Variants in VPS13D observed in about 807,000 individuals in gnomAD.
VPS13D encodes the protein intermembrane lipid transfer protein VPS13D.
A neutral mutation model predicts 461.9 loss-of-function variants in VPS13D; 187 were observed. The ratio of observed to expected loss-of-function variants is 0.40; its 90% CI spans 0.36 to 0.46. The LOEUF (loss-of-function observed/expected upper bound fraction) is 0.46, where lower values mean the gene tolerates loss of function less well. Ranked by LOEUF, VPS13D falls within the 20% of genes least tolerant of loss-of-function variation. VPS13D has a pLI of 0.60. For synonymous variants in VPS13D, 1,951 were observed against 1,986.3 expected, an observed-to-expected ratio of 0.98 and a Z score of 0.47; for missense variants, 4,711 against 5,364.9, an observed-to-expected ratio of 0.88 and a Z score of 3.81.
intron 63 of VPS13D, among the ~76,000 whole-genome samples, chr1:12,405,398 A>G (rs901760566): frequency 6.6e-6 from 1 of 152,184 alleles, no homozygotes; most frequent in Non-Finnish European, 1.5e-5. Flanking sequence ...GCCAACTCAC[A>G]GCTTCTAAAA....
intron 39 of VPS13D, 93 bp downstream of exon 39, chr1:12,335,920 G>T (rs776872130): frequency 1.3e-6 from 2 of 1,568,382 alleles, no homozygotes; most frequent in South Asian, 2.3e-5. Context: ...ATCATTCTGC[G>T]TGGAAAAACC....
In VPS13D at chr1:12,275,986, A is replaced by G; in HGVS notation, c.2398A>G (p.Ser800Gly). 6.2e-7 allele frequency: 1 copy of G among 1,614,030 alleles called. No homozygotes were observed. Among genetic ancestry groups the G allele is most frequent in the Non-Finnish European group, 8.5e-7 (1 of 1,180,028 alleles). ...ACCTCCCTTTTCTGGAGTTGAGTTC[A>G]GTGAAGAACAGCTTCAAGCACATTT... ...KTPPFSGVEF[S>G]EEQLQAHLMS... The change falls in exon 19 of 70, where the codon AGT becomes GGT. Residue 800 changes from serine to glycine, a missense_variant. This residue lies in a region of VPS13D where 4,411 missense variants were observed against 4,937.8 expected (regional missense o/e 0.89). Coordinates refer to ENST00000620676, the MANE Select transcript of VPS13D (RefSeq NM_015378.4).
intron 67 of VPS13D, among the ~76,000 whole-genome samples, chr1:12,481,356 C>T (rs1029522018): frequency 6.6e-6 from 1 of 152,170 alleles, no homozygotes; most frequent in Admixed American, 6.5e-5. Context: ...CCAACCCCTT[C>T]CCTGACCTGA....
Position 12,354,170 on chromosome 1 carries a change from G to T in VPS13D, c.9628G>T (p.Gly3210Cys), listed in dbSNP as rs769164996. The T allele has an allele frequency of 7.4e-6, 12 of 1,614,022 alleles. No homozygotes were observed. The highest frequency in any genetic ancestry group is 1.0e-5 in the Non-Finnish European group (12 of 1,180,024). ...GCCAATTAATGGGACGCTGAAACCT[G>T]GCAAGGAGGCAGCTCTCCATACAGC... is the stretch of plus-strand genomic sequence containing the variant. ...GMPINGTLKP[G>C]KEAALHTADT... Residue 3210 changes from glycine to cysteine, a missense_variant, in exon 47 of 70, where the codon GGC becomes TGC. Transcript: ENST00000620676.
chr1:12,279,760 A>C lies in VPS13D; in HGVS notation c.4602+110A>C. On this transcript the variant is annotated intron_variant, in intron 20 of 69. Transcript: ENST00000620676. The surrounding 1 kb of genome is among the most constrained non-coding windows in gnomAD (Gnocchi z 4.3). ...GGAAGGAATATATATTTTCAAAGAT[A>C]TATCACCCATGCATAATACCATTGT... The C allele has an allele frequency of 1.0e-6, 1 of 992,558 alleles. No individual in the cohort carries two copies. Among genetic ancestry groups the C allele is most frequent in the African/African-American group, 1.6e-5 (1 of 61,536 alleles). The allele number at this position is 992,558 out of a possible 1,614,324, so 61.5% of individuals were successfully genotyped here.
chr1:12,470,971 T>C (rs1645555631), intron 67 of VPS13D, among the ~76,000 whole-genome samples: 1 of 152,212 alleles, frequency 6.6e-6, no homozygotes, highest in Admixed American at 6.5e-5. Flanking sequence ...ACCTTAGCTG[T>C]ATTTAATAAA....
intron 67 of VPS13D, among the ~76,000 whole-genome samples, chr1:12,462,638 G>C (rs1299394090): frequency 6.6e-6 from 1 of 152,150 alleles, no homozygotes; most frequent in Admixed American, 6.5e-5. Context: ...CTGCTGCCTG[G>C]GTCTGCGAGG....
At chr1:12,436,169 G>A (rs1645057771) in intron 65 of VPS13D, among the ~76,000 whole-genome samples, 2 of 152,226 alleles carry the variant, frequency 1.3e-5, no homozygotes, top group African/African-American at 4.8e-5. Context: ...AGGAGGACTT[G>A]CAGTCACACA....
Position 12,478,957 on chromosome 1 carries a change from A to C in VPS13D, c.12663-18543A>C. The C allele has an allele frequency of 4.4e-6, 2 of 452,426 alleles. 1 individual carries two copies. Among genetic ancestry groups the C allele is most frequent in the South Asian group, 3.1e-5 (2 of 64,366 alleles). 28.0% of individuals were successfully genotyped at this position (452,426 alleles called of 1,614,324 possible). On this transcript the variant is annotated intron_variant, in intron 67 of 69. Coordinates refer to ENST00000620676, the MANE Select transcript of VPS13D (RefSeq NM_015378.4). ...TTCCCCATCACCTCGAAAGCTGTTAATAGCCTTGCTTTCTGGCCTTCCACA... is the reference window on the plus strand; with the variant it reads ...TTCCCCATCACCTCGAAAGCTGTTACTAGCCTTGCTTTCTGGCCTTCCACA...
chr1:12,503,570 C>G (rs1409130376), intron 68 of VPS13D, among the ~76,000 whole-genome samples: 2 of 152,156 alleles, frequency 1.3e-5, no homozygotes, highest in Non-Finnish European at 2.9e-5. Context: ...TCTACAGCAA[C>G]CTAAAATGTG....
intron 55 of VPS13D, among the ~76,000 whole-genome samples, chr1:12,378,167 GA>G (rs1210771032): frequency 4.6e-5 from 7 of 152,154 alleles, no homozygotes; most frequent in African/African-American, 1.7e-4. Context: ...ACTCGGTTAT[GA>G]AAATAATACG....
chr1:12,505,739 G>A lies in VPS13D; in HGVS notation c.12795-1114G>A, dbSNP rs1041006479. 2.0e-5 allele frequency among the ~76,000 whole-genome samples: 3 copies of A among 152,230 alleles called. No homozygotes were observed. Among genetic ancestry groups the A allele is most frequent in the Non-Finnish European group, 2.9e-5 (2 of 68,050 alleles). On this transcript the variant is annotated intron_variant, in intron 68 of 69. Transcript: ENST00000620676. This position sits in a 1 kb window ranked among gnomAD's most constrained non-coding sequence, Gnocchi z 4.2. Reference sequence around the variant, plus strand: ...TGGAGGAGGGGCTGGAGTATGTGGGGGATGCTTCACAGAGAAGTTAGAACC... The same window carrying A: ...TGGAGGAGGGGCTGGAGTATGTGGGAGATGCTTCACAGAGAAGTTAGAACC...
At chr1:12,413,144 C>T (rs535205817) in intron 63 of VPS13D, among the ~76,000 whole-genome samples, 2 of 152,256 alleles carry the variant, frequency 1.3e-5, no homozygotes, top group African/African-American at 2.4e-5. Flanking sequence ...TACCATTACA[C>T]ACTGTTCAGA....
In VPS13D at chr1:12,277,953, A is replaced by C; in HGVS notation, c.4365A>C (p.Pro1455=). ...VGSEGSRMFC[P]PSGSGSANSQ... ...CTGAAGGAAGCCGGATGTTTTGCCC[A>C]CCTTCCGGGTCTGGCAGTGCCAACA... The change falls in exon 19 of 70, where the codon CCA becomes CCC. Residue 1455 remains proline, a synonymous_variant. Transcript: ENST00000620676. The C allele has an allele frequency of 6.2e-7, 1 of 1,614,172 alleles. No individual in the cohort carries two copies. The highest frequency in any genetic ancestry group is 1.3e-5 in the African/African-American group (1 of 75,030).
At chr1:12,364,262 G>A (rs1643997227) in intron 52 of VPS13D, among the ~76,000 whole-genome samples, 1 of 152,072 alleles carries the variant, frequency 6.6e-6, no homozygotes. Flanking sequence ...TCTACTTGGT[G>A]TCTATAAATT....
chr1:12,231,702 A>C (rs979795986), intron 1 of VPS13D, among the ~76,000 whole-genome samples: 1 of 152,190 alleles, frequency 6.6e-6, no homozygotes, highest in African/African-American at 2.4e-5. Context: ...TCAAGTTATA[A>C]TAGTGGCCGG....
rs1641655480 is a variant in VPS13D at position 12,277,673 on chromosome 1, G to A, written c.4085G>A (p.Gly1362Glu). 3.1e-6 allele frequency: 5 copies of A among 1,613,970 alleles called. No homozygotes were observed. Among genetic ancestry groups the A allele is most frequent in the African/African-American group, 1.3e-5 (1 of 74,876 alleles). ...PFILEENEIYGFDLASSHLDT... is the reference protein window; with the variant it reads ...PFILEENEIYEFDLASSHLDT... ...ATCTTAGAGGAAAATGAAATATATG[G>A]GTTTGACCTAGCTTCGTCTCATTTG... is the stretch of plus-strand genomic sequence containing the variant. Residue 1362 changes from glycine to glutamate, a missense_variant, in exon 19 of 70, where the codon GGG becomes GAG. Transcript: ENST00000620676.
At chr1:12,417,505 C>T (rs545360638) in intron 65 of VPS13D, among the ~76,000 whole-genome samples, 3 of 152,214 alleles carry the variant, frequency 2.0e-5, no homozygotes, top group Admixed American at 6.5e-5. Context: ...TCTCAACACA[C>T]TTTTCTTGTA....
chr1:12,273,548 T>G (rs1267599563), intron 18 of VPS13D, among the ~76,000 whole-genome samples: 1 of 152,212 alleles, frequency 6.6e-6, no homozygotes, highest in Admixed American at 6.5e-5. Flanking sequence ...GTGTACCCAT[T>G]AAACACCAAT....
Sources: allele counts gnomAD v4.1 joint callset (sites outside exome capture counted in the v4.1 genomes callset), GRCh38; gene constraint gnomAD v4.1.1; regional missense constraint gnomAD v4.1.1; non-coding constraint Gnocchi (gnomAD v3.1); transcripts MANE v1.5; gene names NCBI Gene and HGNC (gene_info 2026-07-23, HGNC 2026-07-21).